The following OSBP2 variants were observed in gnomAD, a reference collection of about 807,000 sequenced individuals.
OSBP2 encodes oxysterol binding protein 2, also known as oxysterol-binding protein 2.
Under a neutral mutation model 96.0 loss-of-function variants are expected in OSBP2, and 66 were observed. The observed-to-expected ratio is 0.69, with a 90% CI of 0.56 to 0.84. The LOEUF is 0.84. Among genes scored for constraint, OSBP2 ranks in the 40% least tolerant of loss-of-function variants. The pLI, the probability that OSBP2 is intolerant of heterozygous loss-of-function variation, is 0.00. For missense variants in OSBP2, 1,038 were observed against 1,222.7 expected (o/e 0.85, Z 2.25); for synonymous variants, 525 against 520.9 (o/e 1.01, Z -0.11).
chr22:30,751,999 G>GTGTCA (rs1356840633), intron 2 of OSBP2, among the ~76,000 whole-genome samples: 4 of 137,942 alleles, frequency 2.9e-5, no homozygotes, highest in African/African-American at 9.9e-5. Context: ...AAGAGTACCT[G>GTGTCA]TGTCAGTCAC....
At chr22:30,747,374 G>A (rs1350123499) in intron 2 of OSBP2, among the ~76,000 whole-genome samples, 1 of 152,126 alleles carries the variant, frequency 6.6e-6, no homozygotes, top group Non-Finnish European at 1.5e-5. Context: ...CCAACACTTT[G>A]GGAGGCTGAG....
intron 1 of OSBP2, among the ~76,000 whole-genome samples, chr22:30,699,533 G>C (rs1451024888): frequency 6.6e-6 from 1 of 152,192 alleles, no homozygotes; most frequent in Non-Finnish European, 1.5e-5. Flanking sequence ...TCATGAAAAA[G>C]AGATTCTGTG....
At chr22:30,750,978 T>A (rs1462315091) in intron 2 of OSBP2, among the ~76,000 whole-genome samples, 2 of 152,190 alleles carry the variant, frequency 1.3e-5, no homozygotes, top group African/African-American at 4.8e-5. Context: ...TGACCTCAGG[T>A]GATCCACTCA....
chr22:30,773,861 A>G (rs2090390338), intron 2 of OSBP2, among the ~76,000 whole-genome samples: 1 of 152,118 alleles, frequency 6.6e-6, no homozygotes. Flanking sequence ...GCTAAGCTAG[A>G]GAGGCACTCC....
chr22:30,789,268 G>A (rs1395392494), intron 2 of OSBP2, among the ~76,000 whole-genome samples: 1 of 152,182 alleles, frequency 6.6e-6, no homozygotes, highest in Non-Finnish European at 1.5e-5. Context: ...TCTCTGAGAT[G>A]CAGCCTCGAG....
At chr22:30,708,829 G>T (rs551680973) in intron 1 of OSBP2, among the ~76,000 whole-genome samples, 2 of 151,658 alleles carry the variant, frequency 1.3e-5, no homozygotes, top group Non-Finnish European at 2.9e-5. Context: ...GGCCAGGGGG[G>T]TTGGCTCATG....
chr22:30,705,744 A>G (rs530985669), intron 1 of OSBP2, among the ~76,000 whole-genome samples: 3 of 152,288 alleles, frequency 2.0e-5, no homozygotes, highest in African/African-American at 7.2e-5. Flanking sequence ...AGCCTGCACT[A>G]GCTTTGGTCA....
chr22:30,827,138 A>T (rs904241439), intron 2 of OSBP2, among the ~76,000 whole-genome samples: 1 of 152,060 alleles, frequency 6.6e-6, no homozygotes, highest in Non-Finnish European at 1.5e-5. Context: ...AGGTGTCAGG[A>T]CCTCATGATG....
chr22:30,798,760 C>T (rs1245020770), intron 2 of OSBP2, among the ~76,000 whole-genome samples: 1 of 152,148 alleles, frequency 6.6e-6, no homozygotes, highest in East Asian at 1.9e-4. Context: ...CACCTGTAAT[C>T]CCAGCACTTT....
At chr22:30,900,631 G>A (rs2147186045) in intron 12 of OSBP2, among the ~76,000 whole-genome samples, 1 of 152,042 alleles carries the variant, frequency 6.6e-6, no homozygotes, top group Non-Finnish European at 1.5e-5. Context: ...CAGACCCATG[G>A]ATATATGTAC....
intron 2 of OSBP2, among the ~76,000 whole-genome samples, chr22:30,842,417 G>A (rs542064306): frequency 1.3e-5 from 2 of 152,212 alleles, no homozygotes; most frequent in South Asian, 2.1e-4. Flanking sequence ...ACTGATCAGC[G>A]TGGTGATTGC....
intron 2 of OSBP2, among the ~76,000 whole-genome samples, chr22:30,778,980 G>C (rs1246986738): frequency 6.6e-6 from 1 of 150,602 alleles, no homozygotes; most frequent in Non-Finnish European, 1.5e-5. Context: ...AGGTTGCAGT[G>C]AGCCGAGATT....
chr22:30,694,679 C>A, upstream of OSBP2: 1 of 220,730 alleles, frequency 4.5e-6, no homozygotes, highest in Non-Finnish European at 8.6e-6. Flanking sequence ...GTTGTCAGAG[C>A]TCCTTCCACC....
rs536197742 is a variant in OSBP2 at position 30,742,367 on chromosome 22, G to C, written c.853+998G>C. ...GAATCACTTGAACCCAGGAGGCGGA[G>C]GTTGCAGTGAGCCAAGATTGCACCA... On this transcript the variant is annotated intron_variant, in intron 2 of 13. Coordinates refer to ENST00000332585, the MANE Select transcript of OSBP2 (RefSeq NM_030758.4). Among the ~76,000 whole-genome samples the C allele has an allele frequency of 9.2e-5, 14 of 151,754 alleles. No individual in the cohort carries two copies. In the South Asian group the frequency reaches 2.9e-3, roughly 32 times the overall value.
intron 1 of OSBP2, among the ~76,000 whole-genome samples, chr22:30,707,666 G>A (rs1393962736): frequency 2.0e-5 from 3 of 150,124 alleles, no homozygotes; most frequent in Non-Finnish European, 3.0e-5. Flanking sequence ...GCAGTGAGTC[G>A]AGATCATGCC....
chr22:30,700,496 A>C (rs975941048), intron 1 of OSBP2, among the ~76,000 whole-genome samples: 1 of 152,158 alleles, frequency 6.6e-6, no homozygotes, highest in East Asian at 1.9e-4. Context: ...ATGTATTGTC[A>C]TCAGCAAGTT....
At chr22:30,768,204 A>G (rs566289205) in intron 2 of OSBP2, among the ~76,000 whole-genome samples, 1 of 152,234 alleles carries the variant, frequency 6.6e-6, no homozygotes, top group African/African-American at 2.4e-5. Flanking sequence ...CCTGGGGGTG[A>G]CAGCATTTGT....
intron 2 of OSBP2, among the ~76,000 whole-genome samples, chr22:30,754,875 C>T (rs990873680): frequency 6.6e-6 from 1 of 152,198 alleles, no homozygotes; most frequent in South Asian, 2.1e-4. Flanking sequence ...TCAAAGCCTC[C>T]CATTGCCATA....
rs1180199250 is a variant in OSBP2 at position 30,870,793 on chromosome 22, T to A, written c.1107+111T>A. 3 of 1,159,296 alleles carry A rather than the reference T, an allele frequency of 2.6e-6. No individual in the cohort carries two copies. The Admixed American group carries it at 6.8e-5, about 26-fold the overall frequency. The allele number at this position is 1,159,296 out of a possible 1,614,324, so 71.8% of individuals were successfully genotyped here. On this transcript the variant is annotated intron_variant, in intron 3 of 13. Transcript: ENST00000332585. This position sits in a 1 kb window ranked among gnomAD's most constrained non-coding sequence, Gnocchi z 4.1. ...AGGGTCAGCGTTCCATTTCCTGCGG[T>A]TCCACGGTGTTTCCCAAAGCCAGCG...
Sources: allele counts gnomAD v4.1 joint callset (sites outside exome capture counted in the v4.1 genomes callset), GRCh38; gene constraint gnomAD v4.1.1; non-coding constraint Gnocchi (gnomAD v3.1); transcripts MANE v1.5; gene names NCBI Gene and HGNC (gene_info 2026-07-23, HGNC 2026-07-21).